CNBD1: variants seen among roughly 807,000 people sequenced by gnomAD.
The protein encoded by CNBD1 is cyclic nucleotide binding domain containing 1.
CNBD1 carries 71 observed loss-of-function variants against 54.4 expected under a neutral mutation model. That is an observed-to-expected ratio of 1.30 (90% CI 1.08 to 1.59). The LOEUF is 1.59. Among genes scored for constraint, CNBD1 ranks in the 40% most tolerant of loss-of-function variants. The pLI is 0.00. For missense variants in CNBD1, 659 were observed against 518.0 expected (o/e 1.27, Z -2.64); for synonymous variants, 182 against 170.7 (o/e 1.07, Z -0.51).
chr8:87,016,632 AGT>A (rs984413459), intron 4 of CNBD1, among the ~76,000 whole-genome samples: 15 of 152,184 alleles, frequency 9.9e-5, no homozygotes, highest in African/African-American at 2.9e-4. Context: ...AAAAAACTTT[AGT>A]GGATTGTAGA....
chr8:87,057,120 A>G (rs1317899861), intron 4 of CNBD1, among the ~76,000 whole-genome samples: 1 of 152,200 alleles, frequency 6.6e-6, no homozygotes, highest in Non-Finnish European at 1.5e-5. Context: ...TGTTGTGACT[A>G]CTTATGGAAA....
intron 4 of CNBD1, among the ~76,000 whole-genome samples, chr8:87,198,756 G>A (rs1177062829): frequency 6.6e-6 from 1 of 152,144 alleles, no homozygotes; most frequent in Non-Finnish European, 1.5e-5. Flanking sequence ...TACACTGCAG[G>A]GAATATGGAC....
rs1813682577 is a variant in CNBD1 at position 87,194,874 on chromosome 8, T to A, written c.432-11119T>A. On this transcript the variant is annotated intron_variant, in intron 4 of 10. Transcript: ENST00000518476. ...CATGTAGTGTCTTTTTTTGTTGTTTTTTGTTTTGTTTGTTTGTTTGTTTTG... is the reference window on the plus strand; with the variant it reads ...CATGTAGTGTCTTTTTTTGTTGTTTATTGTTTTGTTTGTTTGTTTGTTTTG... Among the ~76,000 whole-genome samples, 5 of 152,210 alleles carry A rather than the reference T, an allele frequency of 3.3e-5. No individual in the cohort carries two copies. In the South Asian group the frequency reaches 1.0e-3, roughly 32 times the overall value.
chr8:87,317,627 T>C (rs1370685803), intron 8 of CNBD1, among the ~76,000 whole-genome samples: 1 of 151,956 alleles, frequency 6.6e-6, no homozygotes, highest in African/African-American at 2.4e-5. Flanking sequence ...ATTATTTGAA[T>C]TGCCTTAAGT....
chr8:87,355,612 A>C (rs1810405004), intron 10 of CNBD1, among the ~76,000 whole-genome samples: 1 of 152,190 alleles, frequency 6.6e-6, no homozygotes, highest in Admixed American at 6.5e-5. Context: ...TATTAAAGAA[A>C]ATTGTAGATA....
intron 6 of CNBD1, among the ~76,000 whole-genome samples, chr8:87,251,014 T>G (rs1173885305): frequency 7.6e-6 from 1 of 132,260 alleles, no homozygotes; most frequent in Non-Finnish European, 1.8e-5. Flanking sequence ...CAATAAAAGC[T>G]TGAGGTGATA....
chr8:87,326,810 AG>A (rs1423902049), intron 8 of CNBD1, among the ~76,000 whole-genome samples: 1 of 112,166 alleles, frequency 8.9e-6, no homozygotes, highest in East Asian at 2.3e-4. Flanking sequence ...AGCTCGTCAA[AG>A]TCATTCTCCA....
chr8:87,087,247 G>GTATATATATATATACATATA (rs1290215047), intron 4 of CNBD1, among the ~76,000 whole-genome samples: 1 of 132,150 alleles, frequency 7.6e-6, no homozygotes, highest in East Asian at 2.1e-4. Flanking sequence ...ATATATATAC[G>GTATATATATATATACATATA]TATATATATA....
At chr8:87,114,736 T>A (rs915281529) in intron 4 of CNBD1, among the ~76,000 whole-genome samples, 1 of 152,220 alleles carries the variant, frequency 6.6e-6, no homozygotes, top group African/African-American at 2.4e-5. Context: ...TCTGCTGTTC[T>A]TGGGTTTCTT....
chr8:87,425,073 A>G (rs936643139), intron 2 of CNBD1, among the ~76,000 whole-genome samples: 6 of 151,488 alleles, frequency 4.0e-5, no homozygotes, highest in Admixed American at 3.3e-4. Flanking sequence ...CATTCATTTC[A>G]TCTTCCATTG....
intron 4 of CNBD1, among the ~76,000 whole-genome samples, chr8:87,021,669 GT>G (rs1249558283): frequency 6.6e-6 from 1 of 152,190 alleles, no homozygotes; most frequent in Non-Finnish European, 1.5e-5. Flanking sequence ...CACTTGTAGG[GT>G]AGAGGCCAGA....
intron 8 of CNBD1, among the ~76,000 whole-genome samples, chr8:87,295,775 A>G (rs1228967207): frequency 6.6e-6 from 1 of 152,190 alleles, no homozygotes; most frequent in Admixed American, 6.5e-5. Flanking sequence ...TAAAAAATAA[A>G]ATTGCATAAT....
intron 4 of CNBD1, among the ~76,000 whole-genome samples, chr8:86,969,793 T>TACACACAC (rs10547170): frequency 3.9e-4 from 57 of 144,530 alleles, no homozygotes; most frequent in African/African-American, 1.2e-3. Context: ...TATATATATA[T>TACACACAC]ACACACACAC....
intron 4 of CNBD1, among the ~76,000 whole-genome samples, chr8:87,025,164 C>T (rs1809610143): frequency 7.0e-6 from 1 of 143,254 alleles, no homozygotes; most frequent in East Asian, 1.9e-4. Flanking sequence ...GTAAACGCAC[C>T]AATCAGCACT....
intron 4 of CNBD1, among the ~76,000 whole-genome samples, chr8:87,015,763 T>C (rs1006629680): frequency 6.6e-6 from 1 of 151,874 alleles, no homozygotes; most frequent in Non-Finnish European, 1.5e-5. Context: ...GTGGATCACT[T>C]CAGGTCAGGA....
intron 6 of CNBD1, among the ~76,000 whole-genome samples, chr8:87,263,976 T>A (rs975257856): frequency 2.0e-5 from 3 of 152,160 alleles, no homozygotes; most frequent in African/African-American, 4.8e-5. Flanking sequence ...TTACTTTATG[T>A]TGAGTATTAA....
intron 10 of CNBD1, among the ~76,000 whole-genome samples, chr8:87,374,927 C>A (rs1364669959): frequency 1.3e-5 from 2 of 151,888 alleles, no homozygotes; most frequent in Non-Finnish European, 2.9e-5. Context: ...AAGTGCTACA[C>A]TGAGTCATAC....
At chr8:86,895,328 A>G (rs561679347) in intron 2 of CNBD1, among the ~76,000 whole-genome samples, 233 of 151,968 alleles carry the variant, frequency 1.5e-3, no homozygotes, top group Admixed American at 2.3e-3. Context: ...TATTTATTGT[A>G]TGGATATACC....
chr8:87,321,664 T>C (rs1809536061), intron 8 of CNBD1, among the ~76,000 whole-genome samples: 1 of 152,166 alleles, frequency 6.6e-6, no homozygotes, highest in Non-Finnish European at 1.5e-5. Flanking sequence ...ATTGATTATT[T>C]CCTTTGCTGC....
Sources: allele counts gnomAD v4.1 joint callset (sites outside exome capture counted in the v4.1 genomes callset), GRCh38; gene constraint gnomAD v4.1.1; transcripts MANE v1.5; gene names NCBI Gene and HGNC (gene_info 2026-07-23, HGNC 2026-07-21).